PDLIM5: variants seen among roughly 807,000 people sequenced by gnomAD.
PDLIM5 encodes the protein PDZ and LIM domain protein 5.
In PDLIM5, 34 loss-of-function variants were observed where a neutral mutation model predicts 64.2. That is an observed-to-expected ratio of 0.53 (90% CI 0.40 to 0.71). PDLIM5 has a LOEUF of 0.71. PDLIM5 is among the 30% of genes least tolerant of loss of function. The pLI, the probability that PDLIM5 is intolerant of heterozygous loss-of-function variation, is 0.00. For synonymous variants in PDLIM5, 253 were observed against 269.1 expected, an observed-to-expected ratio of 0.94 and a Z score of 0.59; for missense variants, 683 against 733.6, an observed-to-expected ratio of 0.93 and a Z score of 0.80.
At chr4:94,657,651 T>G in intron 11 of PDLIM5, 104 bp downstream of exon 11, 5 of 836,248 alleles carry the variant, frequency 6.0e-6, no homozygotes, top group Non-Finnish European at 9.2e-6. Flanking sequence ...AGTTATTTTC[T>G]TAATTGTTTT....
At position 94,585,614 on chromosome 4, in the gene PDLIM5, C is replaced by A. The variant is rs749780712; in HGVS notation, c.760C>A (p.Pro254Thr). 3 of 1,612,844 alleles carry A rather than the reference C, an allele frequency of 1.9e-6. No individual in the cohort carries two copies. The highest frequency in any genetic ancestry group is 2.5e-6 in the Non-Finnish European group (3 of 1,179,468). The change falls in exon 6 of 13, where the codon CCC (proline) becomes ACC (threonine). Residue 254 changes from proline (P) to threonine (T), a missense_variant. Coordinates refer to ENST00000317968, the MANE Select transcript of PDLIM5 (RefSeq NM_006457.5). ...GCGCTATACAGAGTTTTATCATGTA[C>A]CCACTCACAGTGATGCCAGCAAGAA... ...VERYTEFYHV[P>T]THSDASKKRL...
At chr4:94,508,249 A>G (rs1728565446) in intron 2 of PDLIM5, among the ~76,000 whole-genome samples, 1 of 152,248 alleles carries the variant, frequency 6.6e-6, no homozygotes, top group African/African-American at 2.4e-5. Flanking sequence ...CCAGAGAGCT[A>G]GAAGTGATCT....
At chr4:94,615,155 C>T (rs1274790766) in intron 7 of PDLIM5, among the ~76,000 whole-genome samples, 2 of 152,120 alleles carry the variant, frequency 1.3e-5, no homozygotes, top group East Asian at 3.9e-4. Flanking sequence ...TACCATTTTA[C>T]AGGTGAGGAA....
At chr4:94,508,455 A>G (rs1728584935) in intron 2 of PDLIM5, among the ~76,000 whole-genome samples, 1 of 152,202 alleles carries the variant, frequency 6.6e-6, no homozygotes, top group Non-Finnish European at 1.5e-5. Context: ...TCCTTGGGTC[A>G]AGTGTTGATG....
chr4:94,573,393 GGT>G lies in PDLIM5; in HGVS notation c.291+5_291+6del. On this transcript the variant is annotated splice_donor_variant, in intron 4 of 12. Coordinates refer to ENST00000317968, the MANE Select transcript of PDLIM5 (RefSeq NM_006457.5). LOFTEE classifies it high-confidence loss of function. ...AGCCTGAGCCGGTTCCTGTTCAAAA[GGT>G]GTGTTTTTAAGCTAGCACCCAGAGT... The G allele has an allele frequency of 6.2e-7, 1 of 1,611,162 alleles. No individual in the cohort carries two copies. The highest frequency in any genetic ancestry group is 8.5e-7 in the Non-Finnish European group (1 of 1,177,688).
chr4:94,458,174 C>T (rs548954024), intron 2 of PDLIM5, among the ~76,000 whole-genome samples: 1 of 152,144 alleles, frequency 6.6e-6, no homozygotes, highest in East Asian at 1.9e-4. Context: ...TTTTAACTTA[C>T]TCTCATCTTA....
At chr4:94,658,593 G>A (rs1322102614) in intron 11 of PDLIM5, among the ~76,000 whole-genome samples, 4 of 152,204 alleles carry the variant, frequency 2.6e-5, no homozygotes, top group Non-Finnish European at 5.9e-5. Context: ...CTGATAGAAG[G>A]AGGTATTCCA....
chr4:94,651,397 A>G (rs1205346515), intron 9 of PDLIM5, among the ~76,000 whole-genome samples: 2 of 152,210 alleles, frequency 1.3e-5, no homozygotes, highest in African/African-American at 2.4e-5. Context: ...CTAATGAAAT[A>G]TTTTAAAGTC....
At chr4:94,476,500 A>C (rs1725333424) in intron 2 of PDLIM5, among the ~76,000 whole-genome samples, 1 of 151,956 alleles carries the variant, frequency 6.6e-6, no homozygotes, top group African/African-American at 2.4e-5. Context: ...AAACAATAAA[A>C]CCCCCTGCCA....
At chr4:94,497,608 C>T (rs1364543759) in intron 2 of PDLIM5, among the ~76,000 whole-genome samples, 1 of 152,194 alleles carries the variant, frequency 6.6e-6, no homozygotes, top group Non-Finnish European at 1.5e-5. Context: ...AAAACATCTA[C>T]TTGAACTATT....
At chr4:94,659,685 G>A (rs534214402) in intron 11 of PDLIM5, among the ~76,000 whole-genome samples, 7 of 151,632 alleles carry the variant, frequency 4.6e-5, no homozygotes, top group Admixed American at 1.3e-4. Context: ...CCGCCACCAC[G>A]CCTGGCTAAT....
At chr4:94,651,068 CAAG>C (rs1741808586) in intron 9 of PDLIM5, among the ~76,000 whole-genome samples, 1 of 152,152 alleles carries the variant, frequency 6.6e-6, no homozygotes, top group African/African-American at 2.4e-5. Context: ...CTACCTGGAA[CAAG>C]AAGAACTTCT....
At chr4:94,604,666 A>G (rs1177310772) in intron 7 of PDLIM5, among the ~76,000 whole-genome samples, 1 of 151,886 alleles carries the variant, frequency 6.6e-6, no homozygotes, top group African/African-American at 2.4e-5. Context: ...ATCTTCATAG[A>G]AACAGTAGAA....
chr4:94,573,009 T>C (rs887312972), intron 3 of PDLIM5, among the ~76,000 whole-genome samples: 1 of 152,238 alleles, frequency 6.6e-6, no homozygotes, highest in African/African-American at 2.4e-5. Context: ...CAGAAGGTCA[T>C]GTTTATTATA....
intron 8 of PDLIM5, among the ~76,000 whole-genome samples, 154 bp from the exon 9 acceptor site, chr4:94,640,122 G>A (rs917047009): frequency 4.6e-5 from 7 of 152,080 alleles, no homozygotes; most frequent in African/African-American, 1.7e-4. Context: ...CATAGTCACA[G>A]CCTAGTGTTT....
intron 3 of PDLIM5, among the ~76,000 whole-genome samples, chr4:94,550,950 T>C (rs997662797): frequency 1.3e-5 from 2 of 151,946 alleles, no homozygotes; most frequent in Non-Finnish European, 2.9e-5. Flanking sequence ...AGTAAGAGAA[T>C]AGGAAAAATG....
intron 2 of PDLIM5, among the ~76,000 whole-genome samples, chr4:94,479,506 T>A (rs563991272): frequency 2.0e-4 from 31 of 151,792 alleles, no homozygotes; most frequent in African/African-American, 3.9e-4. Flanking sequence ...TTTTATTTTT[T>A]TTTTTGTAGA....
At chr4:94,614,387 T>G (rs1422327996) in intron 7 of PDLIM5, among the ~76,000 whole-genome samples, 4 of 152,166 alleles carry the variant, frequency 2.6e-5, no homozygotes, top group African/African-American at 7.2e-5. Context: ...AGTGCTGGGA[T>G]TACAGGCATG....
chr4:94,563,353 C>T (rs1183669116), intron 3 of PDLIM5, among the ~76,000 whole-genome samples: 1 of 152,202 alleles, frequency 6.6e-6, no homozygotes, highest in African/African-American at 2.4e-5. Context: ...AAAGTAGCCA[C>T]ATTTGATCAC....
Sources: allele counts gnomAD v4.1 joint callset (sites outside exome capture counted in the v4.1 genomes callset), GRCh38; gene constraint gnomAD v4.1.1; transcripts MANE v1.5; gene names NCBI Gene and HGNC (gene_info 2026-07-23, HGNC 2026-07-21).